SIL1: variants seen among roughly 807,000 people sequenced by gnomAD.
The protein encoded by SIL1 is nucleotide exchange factor SIL1.
In SIL1, 40 loss-of-function variants were observed where a neutral mutation model predicts 49.1. The observed-to-expected ratio is 0.81, with a 90% CI of 0.63 to 1.06. SIL1 has a LOEUF of 1.06. Among genes scored for constraint, SIL1 ranks in the 50% least tolerant of loss-of-function variants. SIL1 has a pLI of 0.00. For synonymous variants in SIL1, 253 were observed against 250.8 expected (o/e 1.01, Z -0.08); for missense variants, 500 against 572.6 (o/e 0.87, Z 1.29).
chr5:139,114,895 G>A (rs1770955181), intron 3 of SIL1, among the ~76,000 whole-genome samples: 1 of 152,124 alleles, frequency 6.6e-6, no homozygotes, highest in South Asian at 2.1e-4. Flanking sequence ...AAGACCCCTG[G>A]CTATCCCCCT....
intron 7 of SIL1, among the ~76,000 whole-genome samples, chr5:139,002,505 C>T (rs1036049190): frequency 6.6e-6 from 1 of 151,958 alleles, no homozygotes; most frequent in Non-Finnish European, 1.5e-5. Flanking sequence ...AAAATAGAAA[C>T]CATGAAATAA....
rs182000031 is a variant in SIL1, at chr5:139,033,024, C to T, written c.454-6032G>A. On this transcript the variant is annotated intron_variant, in intron 5 of 9. Transcript: ENST00000394817. Reference sequence around the variant, plus strand: ...GTTTTTTGTTTTTGAAACAGAGTCTCGTTCTGTTGCTCAGACTGGAGTGCA... The same window carrying T: ...GTTTTTTGTTTTTGAAACAGAGTCTTGTTCTGTTGCTCAGACTGGAGTGCA... The T allele has an allele frequency of 2.4e-3, 361 of 152,100 alleles. 4 individuals are homozygous for T. The highest frequency in any genetic ancestry group is 8.0e-3 in the African/African-American group (334 of 41,498). 9.4% of individuals were successfully genotyped at this position (152,100 alleles called of 1,614,324 possible).
chr5:138,972,944 C>T (rs1207843676), intron 7 of SIL1, among the ~76,000 whole-genome samples: 1 of 152,098 alleles, frequency 6.6e-6, no homozygotes, highest in Non-Finnish European at 1.5e-5. Flanking sequence ...GGGAGGACAA[C>T]CCAGGGCTGA....
intron 1 of SIL1, among the ~76,000 whole-genome samples, chr5:139,180,090 A>G (rs1446253917): frequency 6.7e-6 from 1 of 148,318 alleles, no homozygotes; most frequent in Non-Finnish European, 1.5e-5. Flanking sequence ...TTGGCCAGGC[A>G]CGGTGGCTCA....
chr5:139,041,866 G>A (rs1461682070), intron 5 of SIL1, among the ~76,000 whole-genome samples: 7 of 150,602 alleles, frequency 4.6e-5, no homozygotes, highest in South Asian at 4.2e-4. Context: ...GTAAGGAGAA[G>A]AGGGAGGGAG....
chr5:139,128,813 T>A (rs1312458653), intron 1 of SIL1, among the ~76,000 whole-genome samples: 1 of 152,190 alleles, frequency 6.6e-6, no homozygotes, highest in Non-Finnish European at 1.5e-5. Context: ...CTAAAACTCA[T>A]ATGACATTTC....
At chr5:138,964,309 C>A (rs559144174) in intron 7 of SIL1, among the ~76,000 whole-genome samples, 14 of 152,216 alleles carry the variant, frequency 9.2e-5, no homozygotes, top group Admixed American at 9.2e-4. Flanking sequence ...CTCTATCAGA[C>A]AAAATTAACA....
At chr5:139,043,818 G>A (rs1250763553) in intron 4 of SIL1, among the ~76,000 whole-genome samples, 2 of 152,198 alleles carry the variant, frequency 1.3e-5, no homozygotes, top group African/African-American at 2.4e-5. Context: ...CAAGAATGAT[G>A]TGCACGAAGG....
At position 139,127,869 on chromosome 5, in the gene SIL1, T is replaced by C. The variant is rs762898438; in HGVS notation, c.-10-16A>G. 2.0e-6 allele frequency: 3 copies of C among 1,497,500 alleles called. No homozygotes were observed. The highest frequency in any genetic ancestry group is 1.9e-5 in the Admixed American group (1 of 53,898). 92.8% of individuals were successfully genotyped at this position (1,497,500 alleles called of 1,614,324 possible). Reference sequence around the variant, plus strand: ...AGTCAGGGACCTGCAGGTGCAAGCATAGACAACAGAAGGTCAATGAAAAGC... The same window carrying C: ...AGTCAGGGACCTGCAGGTGCAAGCACAGACAACAGAAGGTCAATGAAAAGC... On this transcript the variant is annotated splice_polypyrimidine_tract_variant and intron_variant, in intron 1 of 9. Coordinates refer to ENST00000394817, the MANE Select transcript of SIL1 (RefSeq NM_022464.5).
intron 5 of SIL1, 39 bp downstream of exon 5, chr5:139,042,581 T>C: frequency 6.5e-7 from 1 of 1,549,766 alleles, no homozygotes; most frequent in African/African-American, 1.4e-5. Flanking sequence ...AACAAGGCCA[T>C]GCTGCAGGCT....
At chr5:138,976,196 G>A (rs1767389776) in intron 7 of SIL1, among the ~76,000 whole-genome samples, 1 of 151,956 alleles carries the variant, frequency 6.6e-6, no homozygotes, top group Admixed American at 6.5e-5. Flanking sequence ...AAATATTCAC[G>A]ATGCCCATAC....
At chr5:139,155,846 T>A (rs918658253) in intron 1 of SIL1, among the ~76,000 whole-genome samples, 16 of 151,706 alleles carry the variant, frequency 1.1e-4, no homozygotes. Context: ...AAACTCTTTT[T>A]TTTTTTAAGA....
chr5:139,113,023 G>A (rs1027014810), intron 3 of SIL1, among the ~76,000 whole-genome samples: 5 of 152,208 alleles, frequency 3.3e-5, no homozygotes, highest in African/African-American at 1.2e-4. Flanking sequence ...TCTGAAACAT[G>A]TGCTGTGTCC....
intron 7 of SIL1, among the ~76,000 whole-genome samples, chr5:138,953,878 T>C (rs1371181866): frequency 6.6e-6 from 1 of 152,222 alleles, no homozygotes; most frequent in Non-Finnish European, 1.5e-5. Flanking sequence ...TGACATCGCA[T>C]CAGCCTTTGG....
At chr5:139,170,248 C>T (rs939528938) in intron 1 of SIL1, among the ~76,000 whole-genome samples, 2 of 152,172 alleles carry the variant, frequency 1.3e-5, no homozygotes, top group African/African-American at 4.8e-5. Context: ...CTGCCTTGGC[C>T]TCCCAAAGTG....
intron 7 of SIL1, among the ~76,000 whole-genome samples, chr5:138,968,423 G>A (rs1333254573): frequency 6.6e-6 from 1 of 152,120 alleles, no homozygotes; most frequent in Non-Finnish European, 1.5e-5. Context: ...CATCTCCATC[G>A]ACAGAGGAAT....
At chr5:139,002,843 T>C (rs1768017017) in intron 7 of SIL1, among the ~76,000 whole-genome samples, 1 of 152,220 alleles carries the variant, frequency 6.6e-6, no homozygotes, top group Non-Finnish European at 1.5e-5. Context: ...TGATGCTATA[T>C]CCATGAATCT....
chr5:139,073,842 G>A (rs1367994929), intron 3 of SIL1, among the ~76,000 whole-genome samples: 1 of 151,630 alleles, frequency 6.6e-6, no homozygotes, highest in African/African-American at 2.4e-5. Context: ...GGAGGTTGCA[G>A]TGAGCCAAGA....
In SIL1 at chr5:139,055,605, TCCCTCTCCCTCTCCCCCTCTCC is replaced by T. The variant is rs1361562132; in HGVS notation, c.245-4581_245-4560del. On this transcript the variant is annotated intron_variant, in intron 3 of 9. Transcript: ENST00000394817. ...ACATCACTGACTCTCCCTCTCCCTC[TCCCTCTCCCTCTCCCCCTCTCC>T]CCCTCTCCCCCTCTCCCTCTCCCCA... Among the ~76,000 whole-genome samples, 5 of 96,230 alleles carry T rather than the reference TCCCTCTCCCTCTCCCCCTCTCC, an allele frequency of 5.2e-5. 1 individual carries two copies. The highest frequency in any genetic ancestry group is 2.7e-4 in the African/African-American group (5 of 18,576). 63.1% of individuals were successfully genotyped at this position (96,230 alleles called of 152,430 possible).
Sources: gnomAD v4.1 joint callset for allele counts (sites outside exome capture counted in the v4.1 genomes callset) on GRCh38, gnomAD v4.1.1 for gene constraint, MANE v1.5 for transcripts, NCBI Gene and HGNC (gene_info 2026-07-23, HGNC 2026-07-21) for gene names.